PJA2: variants seen among roughly 807,000 people sequenced by gnomAD.
PJA2 encodes the protein E3 ubiquitin-protein ligase Praja-2.
PJA2 carries 25 observed loss-of-function variants against 69.3 expected under a neutral mutation model. The ratio of observed to expected loss-of-function variants is 0.36; its 90% CI spans 0.26 to 0.50. The LOEUF is 0.50. Ranked by LOEUF, PJA2 falls within the 20% of genes least tolerant of loss-of-function variation. The probability of loss-of-function intolerance (pLI) is 0.96; values close to 1 mark genes in which losing one functional copy is unlikely to be tolerated. For missense variants in PJA2, 809 were observed against 830.2 expected (o/e 0.97, Z 0.31); for synonymous variants, 308 against 277.8 (o/e 1.11, Z -1.08).
At chr5:109,388,964 G>A (rs894081829) in intron 1 of PJA2, among the ~76,000 whole-genome samples, 2 of 152,036 alleles carry the variant, frequency 1.3e-5, no homozygotes, top group East Asian at 1.9e-4. Flanking sequence ...ATGACAAAAT[G>A]CATTTATGAC....
chr5:109,348,383 T>G (rs2126989164), intron 7 of PJA2, among the ~76,000 whole-genome samples: 1 of 152,146 alleles, frequency 6.6e-6, no homozygotes, highest in South Asian at 2.1e-4. Context: ...GATTGCTAAA[T>G]GAAAATTAGA....
intron 9 of PJA2, among the ~76,000 whole-genome samples, chr5:109,341,132 G>A (rs1270148846): frequency 9.6e-6 from 1 of 104,232 alleles, no homozygotes; most frequent in South Asian, 3.6e-4. Context: ...CCCTCTGCCT[G>A]GCTGCCCAGT....
intron 9 of PJA2, among the ~76,000 whole-genome samples, chr5:109,341,132 G>C (rs1270148846): frequency 3.8e-5 from 4 of 104,110 alleles, no homozygotes; most frequent in Non-Finnish European, 6.6e-5. Flanking sequence ...CCCTCTGCCT[G>C]GCTGCCCAGT....
Position 109,344,690 on chromosome 5 carries a change from C to G in PJA2, c.1879+15G>C. The G allele has an allele frequency of 6.5e-7, 1 of 1,527,010 alleles. No homozygotes were observed. Among genetic ancestry groups the G allele is most frequent in the Non-Finnish European group, 9.0e-7 (1 of 1,105,228 alleles). 94.6% of individuals were successfully genotyped at this position (1,527,010 alleles called of 1,614,324 possible). Reference sequence around the variant, plus strand: ...CAATGTGTTCTTCAACATTTGAGATCAACTTTGCCCTTACCAGTGTGATCT... The same window carrying G: ...CAATGTGTTCTTCAACATTTGAGATGAACTTTGCCCTTACCAGTGTGATCT... On this transcript the variant is annotated intron_variant, in intron 8 of 9. Coordinates refer to ENST00000361189, the MANE Select transcript of PJA2 (RefSeq NM_014819.5).
chr5:109,369,745 G>A (rs1457147572), intron 4 of PJA2, among the ~76,000 whole-genome samples: 1 of 152,096 alleles, frequency 6.6e-6, no homozygotes, highest in African/African-American at 2.4e-5. Context: ...ATAAATTTCA[G>A]TTCAGGCCGG....
chr5:109,350,505 C>T (rs78356081), intron 7 of PJA2, among the ~76,000 whole-genome samples: 2 of 152,152 alleles, frequency 1.3e-5, no homozygotes, highest in African/African-American at 4.8e-5. Context: ...TGAATGATCA[C>T]CACTGAATCC....
At chr5:109,372,350 T>A (rs893921024) in intron 4 of PJA2, among the ~76,000 whole-genome samples, 1 of 152,076 alleles carries the variant, frequency 6.6e-6, no homozygotes, top group African/African-American at 2.4e-5. Flanking sequence ...ATCAGGAATA[T>A]CTTTATAATC....
intron 1 of PJA2, among the ~76,000 whole-genome samples, chr5:109,404,103 A>C (rs796299190): frequency 6.8e-6 from 1 of 146,890 alleles, no homozygotes; most frequent in African/African-American, 2.5e-5. Context: ...ACAACAACAA[A>C]AACCTCTCAG....
chr5:109,341,551 G>GGGA (rs1762058575), intron 9 of PJA2, among the ~76,000 whole-genome samples: 2 of 141,948 alleles, frequency 1.4e-5, no homozygotes, highest in African/African-American at 5.3e-5. Flanking sequence ...AGGGAGGTGG[G>GGGA]GGGGGGTCAG....
chr5:109,389,046 A>G (rs964724218), intron 1 of PJA2, among the ~76,000 whole-genome samples: 1 of 152,226 alleles, frequency 6.6e-6, no homozygotes, highest in Non-Finnish European at 1.5e-5. Context: ...ACAATACATT[A>G]ACCCTTTTAT....
chr5:109,387,904 CGAAT>C (rs1747195976), intron 1 of PJA2, among the ~76,000 whole-genome samples: 1 of 152,076 alleles, frequency 6.6e-6, no homozygotes, highest in Admixed American at 6.6e-5. Flanking sequence ...ACTGAACAAA[CGAAT>C]GAATGAATGA....
rs186674557 is a variant in PJA2 at position 109,403,473 on chromosome 5, A to G, written c.-88+6369T>C. Among the ~76,000 whole-genome samples the G allele has an allele frequency of 2.1e-3, 327 of 152,100 alleles. 1 individual carries two copies. Among genetic ancestry groups the G allele is most frequent in the African/African-American group, 7.6e-3 (314 of 41,532 alleles). On this transcript the variant is annotated intron_variant, in intron 1 of 9. Coordinates refer to ENST00000361189, the MANE Select transcript of PJA2 (RefSeq NM_014819.5). ...AAACAAATAATACTAATCCTAATAA[A>G]TTCTTTTTCAAAAATATAAGAAACA...
chr5:109,376,304 T>G (rs1746885972), intron 4 of PJA2, among the ~76,000 whole-genome samples: 1 of 146,960 alleles, frequency 6.8e-6, no homozygotes, highest in African/African-American at 2.5e-5. Flanking sequence ...TGACATCACT[T>G]AAGAAAAAAA....
chr5:109,352,262 G>C (rs1262296206), intron 7 of PJA2, among the ~76,000 whole-genome samples: 1 of 152,142 alleles, frequency 6.6e-6, no homozygotes, highest in Non-Finnish European at 1.5e-5. Flanking sequence ...CTTCTTTCAA[G>C]ATGCCAAATG....
chr5:109,407,438 ACAT>A (rs1163196880), intron 1 of PJA2, among the ~76,000 whole-genome samples: 4 of 152,186 alleles, frequency 2.6e-5, no homozygotes, highest in African/African-American at 9.7e-5. Flanking sequence ...GCTTCACCAA[ACAT>A]CATAATTAAT....
At chr5:109,368,877 T>C in intron 4 of PJA2, 131 bp from the exon 5 acceptor site, 9 of 908,980 alleles carry the variant, frequency 9.9e-6, no homozygotes, top group Non-Finnish European at 1.5e-5. Flanking sequence ...TCCAAAATGT[T>C]GGAGATGGGG....
At chr5:109,350,035 T>C (rs994090529) in intron 7 of PJA2, among the ~76,000 whole-genome samples, 2 of 152,194 alleles carry the variant, frequency 1.3e-5, no homozygotes, top group Non-Finnish European at 2.9e-5. Flanking sequence ...GGATGTTATT[T>C]ATAGTAACTT....
At chr5:109,374,024 T>C (rs1762718966) in intron 4 of PJA2, among the ~76,000 whole-genome samples, 1 of 152,220 alleles carries the variant, frequency 6.6e-6, no homozygotes, top group Admixed American at 6.5e-5. Flanking sequence ...AAATTTTAAA[T>C]ATTTTGTTAT....
At chr5:109,365,148 A>G (rs993377755) in intron 5 of PJA2, among the ~76,000 whole-genome samples, 2 of 152,298 alleles carry the variant, frequency 1.3e-5, no homozygotes, top group South Asian at 2.1e-4. Flanking sequence ...TCTCCTAAAC[A>G]TGTACAATGT....
Sources: allele counts gnomAD v4.1 joint callset (sites outside exome capture counted in the v4.1 genomes callset), GRCh38; gene constraint gnomAD v4.1.1; transcripts MANE v1.5; gene names NCBI Gene and HGNC (gene_info 2026-07-23, HGNC 2026-07-21).